The following FAM9C variants were observed in gnomAD, a reference collection of about 807,000 sequenced individuals.
FAM9C encodes family with sequence similarity 9 member C.
FAM9C carries 15 observed loss-of-function variants against 14.8 expected under a neutral mutation model. That is an observed-to-expected ratio of 1.02 (90% CI 0.68 to 1.56). FAM9C has a LOEUF of 1.56. FAM9C is among the 40% of genes most tolerant of loss of function. The pLI is 0.00. For missense variants in FAM9C, 116 were observed against 118.0 expected, an observed-to-expected ratio of 0.98 and a Z score of 0.08; for synonymous variants, 45 against 37.5, an observed-to-expected ratio of 1.20 and a Z score of -0.74.
intron 4 of FAM9C, chrX:13,042,337 T>C (rs964109742): frequency 9.0e-6 from 1 of 111,374 alleles, no homozygotes; most frequent in African/African-American, 3.3e-5. Context: ...ATAGCTAAAT[T>C]AGGAAGATGA....
chrX:13,041,592 A>G (rs2043528272), intron 4 of FAM9C: 1 of 112,506 alleles, frequency 8.9e-6, no homozygotes, highest in Non-Finnish European at 1.9e-5. Flanking sequence ...TAAGACCATC[A>G]AAAGGGTAGA....
At chrX:13,037,987 A>G (rs1330263233) in intron 7 of FAM9C, 1 of 113,570 alleles carries the variant, frequency 8.8e-6, no homozygotes, top group Non-Finnish European at 1.9e-5. Flanking sequence ...CTATTTAACT[A>G]AAACTCTTGA....
At position 13,040,840 on chromosome X, in the gene FAM9C, T is replaced by C; in HGVS notation, c.247A>G (p.Lys83Glu). Residue 83 changes from lysine to glutamate, a missense_variant, in exon 5 of 8, where the codon AAA becomes GAA. By Grantham distance (56) the Lys-to-Glu change is moderately conservative. Coordinates refer to ENST00000380625, the MANE Select transcript of FAM9C (RefSeq NM_174901.6). ...GCTTTTGCAATCTTTTCAATCCTTT[T>C]TCTCTTTGCAGCAAGATGCTCTTTA... The part of the protein sequence containing the change: ...DIKEHLAAKR[K>E]RIEKIAKACS... 1 of 1,190,673 alleles carries C rather than the reference T, an allele frequency of 8.4e-7. No individual in the cohort carries two copies. Among genetic ancestry groups the C allele is most frequent in the Non-Finnish European group, 1.1e-6 (1 of 885,706 alleles).
At chrX:13,037,867 G>GT (rs2043492214) in intron 7 of FAM9C, 1 of 113,286 alleles carries the variant, frequency 8.8e-6, no homozygotes, top group South Asian at 3.7e-4. Flanking sequence ...AAATTGTCAT[G>GT]TAAAACCATT....
chrX:13,039,745 G>A (rs866052001), intron 6 of FAM9C, 63 bp downstream of exon 6: 2 of 1,142,819 alleles, frequency 1.8e-6, no homozygotes, highest in Non-Finnish European at 2.3e-6. Flanking sequence ...ATTTCTGCAT[G>A]AACTATTACT....
At chrX:13,043,963 A>T in intron 1 of FAM9C, 106 bp from the exon 2 acceptor site, 2 of 464,297 alleles carry the variant, frequency 4.3e-6, no homozygotes, top group Non-Finnish European at 7.5e-6. Context: ...CCGTGGGAGC[A>T]GGAGGGGACG....
At chrX:13,042,860 T>C in intron 4 of FAM9C, 58 bp downstream of exon 4, 2 of 1,155,187 alleles carry the variant, frequency 1.7e-6, no homozygotes, top group Non-Finnish European at 2.4e-6. Context: ...TAACCTACTG[T>C]AAGGGTTGTA....
At chrX:13,040,109 T>A (rs2043513813) in intron 5 of FAM9C, among the ~76,000 whole-genome samples, 193 bp from the exon 6 acceptor site, 1 of 112,397 alleles carries the variant, frequency 8.9e-6, no homozygotes, top group African/African-American at 3.2e-5. Context: ...AACTGACTAC[T>A]AGAGCAGCTA....
intron 4 of FAM9C, chrX:13,042,537 C>T (rs924156643): frequency 2.4e-5 from 4 of 166,365 alleles, no homozygotes; most frequent in African/African-American, 9.7e-5. Context: ...ATCTATATAA[C>T]GAACCTGCAC....
chrX:13,038,579 T>A, intron 6 of FAM9C, 76 bp from the exon 7 acceptor site: 1 of 904,297 alleles, frequency 1.1e-6, no homozygotes. Flanking sequence ...ATTAAAGAAA[T>A]ACTCTTTAAA....
intron 5 of FAM9C, 50 bp downstream of exon 5, chrX:13,040,708 T>C: frequency 1.1e-6 from 1 of 880,027 alleles, no homozygotes. Context: ...CACCAATGAA[T>C]ACAAAGAAAT....
In FAM9C at chrX:13,043,172, C is replaced by T. The variant is rs1390534456; in HGVS notation, c.138G>A (p.Glu46=). 1 of 1,209,746 alleles carries T rather than the reference C, an allele frequency of 8.3e-7. No homozygotes were observed. The highest frequency in any genetic ancestry group is 1.1e-6 in the Non-Finnish European group (1 of 895,123). Residue 46 remains glutamate (E), a synonymous_variant, in exon 3 of 8, where the codon GAG becomes GAA. Coordinates refer to ENST00000380625, the MANE Select transcript of FAM9C (RefSeq NM_174901.6). ...CAGCAAAAGATCCTCTTTCCCCATG[C>T]TCATCAGTTACATCTCCCTCCTTTG... ...TETKEGDVTD[E]HGERGSFAET... is the part of the protein sequence containing the mutation.
Position 13,040,844 on chromosome X carries a change from C to T in FAM9C, c.243G>A (p.Lys81=), listed in dbSNP as rs1569135993. Residue 81 remains lysine, a synonymous_variant, in exon 5 of 8, where the codon AAG becomes AAA. Transcript: ENST00000380625. ...TTGCAATCTTTTCAATCCTTTTTCT[C>T]TTTGCAGCAAGATGCTCTTTAATGT... is the stretch of plus-strand genomic sequence containing the variant. ...AADIKEHLAA[K]RKRIEKIAKA... 8.4e-7 allele frequency: 1 copy of T among 1,186,139 alleles called. No individual in the cohort carries two copies. Among genetic ancestry groups the T allele is most frequent in the South Asian group, 1.9e-5 (1 of 51,507 alleles).
At chrX:13,038,546 T>G (rs745312030) in intron 6 of FAM9C, 43 bp from the exon 7 acceptor site, 90 of 1,095,762 alleles carry the variant, frequency 8.2e-5, no homozygotes, top group Admixed American at 2.9e-4. Context: ...TGGGTAAATT[T>G]TAATACTTAT....
chrX:13,038,621 C>T (rs1451305994), intron 6 of FAM9C, 118 bp from the exon 7 acceptor site: 23 of 578,763 alleles, frequency 4.0e-5, no homozygotes, highest in Non-Finnish European at 5.6e-5. Flanking sequence ...TTTTAGACAA[C>T]GTTTATGACC....
intron 5 of FAM9C, chrX:13,040,237 T>A (rs2043514371): frequency 1.5e-6 from 1 of 660,206 alleles, no homozygotes; most frequent in Non-Finnish European, 1.8e-6. Context: ...AAATAACATA[T>A]GCGTTCTCAT....
chrX:13,044,240 G>A (rs1473803646), intron 1 of FAM9C, among the ~76,000 whole-genome samples: 1 of 111,360 alleles, frequency 9.0e-6, no homozygotes, highest in East Asian at 2.9e-4. Context: ...CGCCAGCCTG[G>A]ACGCCCAGGG....
At chrX:13,039,318 C>G (rs1418400739) in intron 6 of FAM9C, among the ~76,000 whole-genome samples, 7 of 111,248 alleles carry the variant, frequency 6.3e-5, no homozygotes, top group African/African-American at 3.3e-5. Context: ...AACATACAGC[C>G]ACTACCTTCC....
chrX:13,042,703 C>T, intron 4 of FAM9C: 2 of 462,515 alleles, frequency 4.3e-6, no homozygotes, highest in East Asian at 7.7e-5. Context: ...AAAAGCCACC[C>T]CTCTTGCTTC....
Sources: allele counts gnomAD v4.1 joint callset (sites outside exome capture counted in the v4.1 genomes callset), GRCh38; gene constraint gnomAD v4.1.1; transcripts MANE v1.5; gene names NCBI Gene and HGNC (gene_info 2026-07-23, HGNC 2026-07-21).